EIF4G3: variants seen among roughly 807,000 people sequenced by gnomAD.
The protein encoded by EIF4G3 is eukaryotic translation initiation factor 4 gamma 3.
In EIF4G3, 34 loss-of-function variants were observed where a neutral mutation model predicts 186.4. The observed-to-expected ratio is 0.18, with a 90% confidence interval of 0.14 to 0.24. EIF4G3 has a LOEUF of 0.24. EIF4G3 is among the 10% of genes least tolerant of loss of function. EIF4G3 has a pLI of 1.00. For missense variants in EIF4G3, 1,536 were observed against 1,948.5 expected, an observed-to-expected ratio of 0.79 and a Z score of 3.99; for synonymous variants, 673 against 679.5, an observed-to-expected ratio of 0.99 and a Z score of 0.15.
intron 29 of EIF4G3, among the ~76,000 whole-genome samples, chr1:20,844,935 A>G (rs2070276158): frequency 6.6e-6 from 1 of 152,218 alleles, no homozygotes; most frequent in Admixed American, 6.5e-5. Flanking sequence ...TATTCTGTTG[A>G]TTGATAGTTT....
At chr1:20,851,139 T>A (rs2073158342) in intron 28 of EIF4G3, 119 bp downstream of exon 28, 1 of 831,806 alleles carries the variant, frequency 1.2e-6, no homozygotes, top group East Asian at 2.6e-5. Flanking sequence ...ACTCTTCAGA[T>A]GCTGGTATGT....
chr1:21,104,166 A>G (rs1358317806), intron 2 of EIF4G3, among the ~76,000 whole-genome samples: 1 of 152,196 alleles, frequency 6.6e-6, no homozygotes, highest in Non-Finnish European at 1.5e-5. Context: ...CCCTCAAACT[A>G]GAAGTAATAT....
intron 3 of EIF4G3, among the ~76,000 whole-genome samples, chr1:21,088,052 T>C (rs1468859198): frequency 6.6e-6 from 1 of 151,566 alleles, no homozygotes; most frequent in African/African-American, 2.4e-5. Flanking sequence ...TCCATAATCA[T>C]GCCACTGCAC....
chr1:21,071,739 G>C (rs1298351183), intron 3 of EIF4G3, among the ~76,000 whole-genome samples: 2 of 151,346 alleles, frequency 1.3e-5, no homozygotes, highest in Non-Finnish European at 2.9e-5. Flanking sequence ...CCAGGAGGCG[G>C]AGATTGCAGT....
intron 30 of EIF4G3, among the ~76,000 whole-genome samples, chr1:20,831,572 GATC>G (rs1382754233): frequency 6.7e-6 from 1 of 150,250 alleles, no homozygotes; most frequent in Non-Finnish European, 1.5e-5. Flanking sequence ...AGAAAATAAG[GATC>G]ATTTTATTGT....
At chr1:20,995,258 C>T (rs1472925738) in intron 7 of EIF4G3, among the ~76,000 whole-genome samples, 2 of 152,124 alleles carry the variant, frequency 1.3e-5, no homozygotes, top group African/African-American at 4.8e-5. Context: ...AGAAACATAA[C>T]CTTAAAGTTT....
intron 31 of EIF4G3, 126 bp downstream of exon 31, chr1:20,829,021 A>G: frequency 1.0e-6 from 1 of 997,058 alleles, no homozygotes; most frequent in South Asian, 1.7e-5. Context: ...GAAGTCTTAA[A>G]GAGTCACAGC....
intron 14 of EIF4G3, 89 bp from the exon 15 acceptor site, chr1:20,905,060 C>A (rs2091653334): frequency 2.0e-6 from 2 of 991,798 alleles, no homozygotes; most frequent in Non-Finnish European, 3.0e-6. Flanking sequence ...TCAAATTAAG[C>A]AGGATAAAAG....
At chr1:21,112,051 C>T (rs188249486) in intron 2 of EIF4G3, among the ~76,000 whole-genome samples, 23 of 152,266 alleles carry the variant, frequency 1.5e-4, no homozygotes, top group African/African-American at 4.6e-4. Context: ...TGGAAAAAAT[C>T]ATTACCCCCT....
intron 33 of EIF4G3, among the ~76,000 whole-genome samples, 181 bp from the exon 34 acceptor site, chr1:20,817,719 T>C (rs1306838448): frequency 6.7e-6 from 1 of 148,406 alleles, no homozygotes; most frequent in Non-Finnish European, 1.5e-5. Context: ...AGGGTCTTGC[T>C]CTGTCATCCA....
At chr1:21,052,979 T>C (rs1455624820) in intron 3 of EIF4G3, among the ~76,000 whole-genome samples, 1 of 151,740 alleles carries the variant, frequency 6.6e-6, no homozygotes, top group African/African-American at 2.4e-5. Context: ...AGTGCCGAGA[T>C]TGCAGCCTCT....
rs1395536916 is a variant in EIF4G3, at chr1:20,851,409, G to T, written c.3621C>A (p.Phe1207Leu). 6.2e-7 allele frequency: 1 copy of T among 1,614,126 alleles called. No homozygotes were observed. The highest frequency in any genetic ancestry group is 8.5e-7 in the Non-Finnish European group (1 of 1,180,040). ...LPSATARPNT[F>L]MRGGSSKDLL... Reference sequence around the variant, plus strand: ...GGTCTTTACTGCTGCCACCCCTCATGAAAGTATTTGGCCGAGCTGTTGCAG... The same window carrying T: ...GGTCTTTACTGCTGCCACCCCTCATTAAAGTATTTGGCCGAGCTGTTGCAG... Residue 1207 changes from phenylalanine to leucine, a missense_variant, in exon 28 of 37, where the codon TTC (phenylalanine) becomes TTA (leucine). Coordinates refer to ENST00000602326, the MANE Select transcript of EIF4G3 (RefSeq NM_001391906.1).
At chr1:21,157,756 G>A (rs143391959) in intron 2 of EIF4G3, among the ~76,000 whole-genome samples, 5 of 152,278 alleles carry the variant, frequency 3.3e-5, no homozygotes, top group Non-Finnish European at 7.3e-5. Context: ...ATCAGGTACT[G>A]TGGTTAGCTT....
At chr1:20,893,328 G>T in intron 18 of EIF4G3, 189 bp downstream of exon 18, 1 of 526,902 alleles carries the variant, frequency 1.9e-6, no homozygotes, top group Non-Finnish European at 3.0e-6. Flanking sequence ...ACTAGCTTCT[G>T]CCAAGTAAAA....
intron 19 of EIF4G3, 97 bp from the exon 20 acceptor site, chr1:20,879,617 C>A: frequency 1.4e-6 from 1 of 699,468 alleles, no homozygotes; most frequent in East Asian, 3.3e-5. Flanking sequence ...ATAAGTTCAA[C>A]TTCTCAAATT....
At chr1:21,005,073 A>G (rs902186651) in intron 4 of EIF4G3, among the ~76,000 whole-genome samples, 1 of 152,184 alleles carries the variant, frequency 6.6e-6, no homozygotes, top group African/African-American at 2.4e-5. Flanking sequence ...TAGTTTCAGC[A>G]CTGTTTCAGA....
At chr1:20,877,399 C>T (rs900164080) in intron 20 of EIF4G3, among the ~76,000 whole-genome samples, 1 of 152,140 alleles carries the variant, frequency 6.6e-6, no homozygotes, top group African/African-American at 2.4e-5. Flanking sequence ...GTTACATCAC[C>T]CTGAGAAGTT....
At chr1:20,956,662 T>C (rs2154564120) in intron 12 of EIF4G3, among the ~76,000 whole-genome samples, 1 of 149,156 alleles carries the variant, frequency 6.7e-6, no homozygotes, top group Admixed American at 6.7e-5. Context: ...CAAACACCTG[T>C]TGAAATATTT....
Position 20,996,325 on chromosome 1 carries a change from C to T in EIF4G3, c.177+1276G>A, listed in dbSNP as rs150569727. Among the ~76,000 whole-genome samples the T allele has an allele frequency of 2.0e-4, 31 of 152,126 alleles. No individual in the cohort carries two copies. In the East Asian group the frequency reaches 5.4e-3, roughly 27 times the overall value. ...AATCAAACCTAGATCTAGCTGATGG[C>T]GAAGTCCAAGCTCTTAAAGTATTAA... On this transcript the variant is annotated intron_variant, in intron 7 of 36. Coordinates refer to ENST00000602326, the MANE Select transcript of EIF4G3 (RefSeq NM_001391906.1).
Sources: gnomAD v4.1 joint callset for allele counts (sites outside exome capture counted in the v4.1 genomes callset) on GRCh38, gnomAD v4.1.1 for gene constraint, MANE v1.5 for transcripts, NCBI Gene and HGNC (gene_info 2026-07-23, HGNC 2026-07-21) for gene names.